Variants in FOXN4 observed in about 807,000 individuals in gnomAD.
FOXN4 encodes the protein forkhead box protein N4.
Under a neutral mutation model 45.0 loss-of-function variants are expected in FOXN4, and 12 were observed. The observed-to-expected ratio is 0.27, with a 90% CI of 0.17 to 0.43. The LOEUF (loss-of-function observed/expected upper bound fraction) is 0.43. FOXN4 is among the 20% of genes least tolerant of loss of function. The probability of loss-of-function intolerance (pLI) is 1.00; values close to 1 mark genes in which losing one functional copy is unlikely to be tolerated. For synonymous variants in FOXN4, 297 were observed against 295.0 expected, an observed-to-expected ratio of 1.01 and a Z score of -0.07; for missense variants, 560 against 694.9, an observed-to-expected ratio of 0.81 and a Z score of 2.18.
At chr12:109,300,443 T>G (rs2047859156) in intron 2 of FOXN4, among the ~76,000 whole-genome samples, 1 of 152,164 alleles carries the variant, frequency 6.6e-6, no homozygotes. Flanking sequence ...ACAGATGGGA[T>G]GGCTGAGGCC....
chr12:109,298,948 G>T (rs2047843766), intron 2 of FOXN4, among the ~76,000 whole-genome samples: 1 of 152,094 alleles, frequency 6.6e-6, no homozygotes, highest in Non-Finnish European at 1.5e-5. Flanking sequence ...TACCCTAAGG[G>T]AGTTGCCTGA....
intron 2 of FOXN4, among the ~76,000 whole-genome samples, chr12:109,304,221 G>GAGAGAGAAAGAAAGAA (rs1268751098): frequency 2.4e-5 from 2 of 82,480 alleles, no homozygotes; most frequent in African/African-American, 1.0e-4. Flanking sequence ...AGAAAAGAAA[G>GAGAGAGAAAGAAAGAA]AGAAAGAAAG....
rs2047770590 is a variant in FOXN4, at chr12:109,291,772, T to C, written c.87-1486A>G. Among the ~76,000 whole-genome samples, 2 of 151,842 alleles carry C rather than the reference T, an allele frequency of 1.3e-5. No homozygotes were observed. Among genetic ancestry groups the C allele is most frequent in the African/African-American group, 4.8e-5 (2 of 41,316 alleles). On this transcript the variant is annotated intron_variant, in intron 2 of 9. Coordinates refer to ENST00000299162, the MANE Select transcript of FOXN4 (RefSeq NM_213596.3). The surrounding 1 kb of genome is among the most constrained non-coding windows in gnomAD (Gnocchi z 6.6). Reference sequence around the variant, plus strand: ...TAGGGAAACAGGGCCTGGAAACGATTTGAAAACGCGGCCGGCCGGCCGTGT... The same window carrying C: ...TAGGGAAACAGGGCCTGGAAACGATCTGAAAACGCGGCCGGCCGGCCGTGT...
At chr12:109,295,220 A>G (rs939370509) in intron 2 of FOXN4, among the ~76,000 whole-genome samples, 1 of 152,172 alleles carries the variant, frequency 6.6e-6, no homozygotes, top group African/African-American at 2.4e-5. Flanking sequence ...TAACAGAGAG[A>G]GCCACACAGA....
chr12:109,308,405 T>G (rs2047939930), intron 1 of FOXN4, 81 bp from the exon 2 acceptor site: 1 of 922,152 alleles, frequency 1.1e-6, no homozygotes, highest in Non-Finnish European at 1.6e-6. Flanking sequence ...TTCCCGCAAT[T>G]CAGAAAGATG....
rs1183302686 is a variant in FOXN4 at position 109,291,379 on chromosome 12, G to C, written c.87-1093C>G. Among the ~76,000 whole-genome samples the C allele has an allele frequency of 6.6e-6, 1 of 152,000 alleles. No individual in the cohort carries two copies. The highest frequency in any genetic ancestry group is 1.5e-5 in the Non-Finnish European group (1 of 67,988). Reference sequence around the variant, plus strand: ...ACCCCTGTAGCCAGGGGCTTTCTGTGTCACCACCAAGAGGCCCACAGTCTA... The same window carrying C: ...ACCCCTGTAGCCAGGGGCTTTCTGTCTCACCACCAAGAGGCCCACAGTCTA... On this transcript the variant is annotated intron_variant, in intron 2 of 9. Coordinates refer to ENST00000299162, the MANE Select transcript of FOXN4 (RefSeq NM_213596.3). The surrounding 1 kb of genome is among the most constrained non-coding windows in gnomAD (Gnocchi z 6.6).
At position 109,279,645 on chromosome 12, in the gene FOXN4, G is replaced by A. The variant is rs367825428; in HGVS notation, c.*26C>T. The A allele has an allele frequency of 7.1e-4, 1,107 of 1,563,792 alleles. 2 individuals carry two copies. The highest frequency in any genetic ancestry group is 6.7e-3 in the Middle Eastern group (40 of 5,950). The stretch of plus-strand genomic sequence containing the variant: ...TTCTCTGCCCAAGCCGGGTGCCGGG[G>A]TTCCAGGGCAGGTGAGGCTGACAGC... On this transcript the variant is annotated 3_prime_UTR_variant, in exon 10 of 10. Coordinates refer to ENST00000299162, the MANE Select transcript of FOXN4 (RefSeq NM_213596.3).
At position 109,285,406 on chromosome 12, in the gene FOXN4, G is replaced by A. The variant is rs758152429; in HGVS notation, c.799C>T (p.Leu267=). The A allele has an allele frequency of 1.9e-6, 3 of 1,614,054 alleles. No homozygotes were observed. Among genetic ancestry groups the A allele is most frequent in the South Asian group, 2.2e-5 (2 of 91,082 alleles). ...ATGCGGGCCAGGTTCAGAGCCCACA[G>A]GCAGCCCTTGCGGGAGGAGCCGCTC... is the stretch of plus-strand genomic sequence containing the variant. ...KMSGSSRKGC[L]WALNLARIDK... The change falls in exon 8 of 10, where the codon CTG becomes TTG. Residue 267 remains leucine, a synonymous_variant. Coordinates refer to ENST00000299162, the MANE Select transcript of FOXN4 (RefSeq NM_213596.3).
intron 2 of FOXN4, among the ~76,000 whole-genome samples, chr12:109,296,964 T>G (rs1340487081): frequency 6.6e-6 from 1 of 152,190 alleles, no homozygotes; most frequent in African/African-American, 2.4e-5. Context: ...ATTGTTATCG[T>G]CACCACCTTC....
intron 2 of FOXN4, among the ~76,000 whole-genome samples, chr12:109,298,698 T>C (rs1019398419): frequency 1.3e-5 from 2 of 152,086 alleles, no homozygotes; most frequent in South Asian, 2.1e-4. Context: ...GACCCCGACA[T>C]TTGTGGGAGA....
Position 109,288,506 on chromosome 12 carries a change from CAT to C in FOXN4, c.233-328_233-327del, listed in dbSNP as rs2047737091. On this transcript the variant is annotated intron_variant, in intron 3 of 9. Transcript: ENST00000299162. The surrounding 1 kb of genome is among the most constrained non-coding windows in gnomAD (Gnocchi z 4.3). ...GGGCACATGATAATATCTCAATAAA[CAT>C]GAGTCAATAATAAATGATAATTGAT... 6.6e-6 allele frequency among the ~76,000 whole-genome samples: 1 copy of C among 152,238 alleles called. No individual in the cohort carries two copies. The highest frequency in any genetic ancestry group is 2.1e-4 in the South Asian group (1 of 4,832).
At position 109,308,255 on chromosome 12, in the gene FOXN4, G is replaced by A; in HGVS notation, c.67C>T (p.Pro23Ser). 6.4e-7 allele frequency: 1 copy of A among 1,551,638 alleles called. No individual in the cohort carries two copies. Among genetic ancestry groups the A allele is most frequent in the African/African-American group, 1.4e-5 (1 of 73,114 alleles). Reference sequence around the variant, plus strand: ...CCTCACCTGTATTCCTGTGGAGAGGGGTGGTGATTTTGCCCTGAGTTTCGA... The same window carrying A: ...CCTCACCTGTATTCCTGTGGAGAGGAGTGGTGATTTTGCCCTGAGTTTCGA... Reference protein sequence around the residue: ...IIRNSGQNHHPSPQEYRLLAT... With the variant: ...IIRNSGQNHHSSPQEYRLLAT... The change falls in exon 2 of 10, where the codon CCC (proline) becomes TCC (serine). Residue 23 changes from proline to serine, a missense_variant. This residue lies in a region of FOXN4 where 142 missense variants were observed against 185.7 expected (regional missense o/e 0.76). Coordinates refer to ENST00000299162, the MANE Select transcript of FOXN4 (RefSeq NM_213596.3).
chr12:109,290,301 A>G lies in FOXN4; in HGVS notation c.87-15T>C. ...TGGCTAGAAGCCTGCAAAGAGGAAC[A>G]GAGAACTCGGGCGGGAGGGGGAGCT... On this transcript the variant is annotated splice_polypyrimidine_tract_variant and intron_variant, in intron 2 of 9. Transcript: ENST00000299162. This position sits in a 1 kb window ranked among gnomAD's most constrained non-coding sequence, Gnocchi z 5.1. The G allele has an allele frequency of 7.2e-6, 11 of 1,537,432 alleles. No individual in the cohort carries two copies. The highest frequency in any genetic ancestry group is 9.7e-6 in the Non-Finnish European group (11 of 1,138,254).
At chr12:109,297,273 C>T (rs1254865078) in intron 2 of FOXN4, among the ~76,000 whole-genome samples, 2 of 152,230 alleles carry the variant, frequency 1.3e-5, no homozygotes, top group Admixed American at 6.5e-5. Context: ...CTCACGGGAG[C>T]GTAAACCCTA....
intron 2 of FOXN4, among the ~76,000 whole-genome samples, chr12:109,304,207 GA>G (rs2047892044): frequency 2.3e-5 from 2 of 85,202 alleles, no homozygotes; most frequent in African/African-American, 4.5e-5. Context: ...AAAAAAGAAA[GA>G]AAAGAAAAGA....
rs1315563827 is a variant in FOXN4, at chr12:109,290,206, C to T, written c.167G>A (p.Arg56Gln). Residue 56 changes from arginine to glutamine, a missense_variant, in exon 3 of 10, where the codon CGG becomes CAG. Transcript: ENST00000299162. The surrounding 1 kb of genome is among the most constrained non-coding windows in gnomAD (Gnocchi z 5.1). ...GCGGCCACTTGCCATCTGCTGCAGCCGAGGCACATCCACCGCCGTGAGCCA... is the reference window on the plus strand; with the variant it reads ...GCGGCCACTTGCCATCTGCTGCAGCTGAGGCACATCCACCGCCGTGAGCCA... ...LSWLTAVDVP[R>Q]LQQMASGRVD... The T allele has an allele frequency of 1.3e-6, 2 of 1,551,338 alleles. No individual in the cohort carries two copies. Among genetic ancestry groups the T allele is most frequent in the Non-Finnish European group, 1.7e-6 (2 of 1,146,920 alleles).
intron 2 of FOXN4, among the ~76,000 whole-genome samples, chr12:109,294,527 C>G (rs2047798563): frequency 1.3e-5 from 2 of 152,316 alleles, no homozygotes; most frequent in South Asian, 4.2e-4. Flanking sequence ...CTTGTGCCCA[C>G]TGCCCATGCC....
Position 109,287,339 on chromosome 12 carries a change from C to T in FOXN4, c.596+58G>A. 1 of 1,546,120 alleles carries T rather than the reference C, an allele frequency of 6.5e-7. No homozygotes were observed. The highest frequency in any genetic ancestry group is 8.7e-7 in the Non-Finnish European group (1 of 1,143,562). ...CTGTCTGAGATGCCCTGAGGGCAGCCTCATCCCTCTCTCCCGGAGCCGCCC... is the reference window on the plus strand; with the variant it reads ...CTGTCTGAGATGCCCTGAGGGCAGCTTCATCCCTCTCTCCCGGAGCCGCCC... On this transcript the variant is annotated intron_variant, in intron 6 of 9. Coordinates refer to ENST00000299162, the MANE Select transcript of FOXN4 (RefSeq NM_213596.3). The surrounding 1 kb of genome is among the most constrained non-coding windows in gnomAD (Gnocchi z 4.1).
In FOXN4 at chr12:109,288,232, C is replaced by T; in HGVS notation, c.233-52G>A. On this transcript the variant is annotated intron_variant, in intron 3 of 9. Coordinates refer to ENST00000299162, the MANE Select transcript of FOXN4 (RefSeq NM_213596.3). This position sits in a 1 kb window ranked among gnomAD's most constrained non-coding sequence, Gnocchi z 4.3. ...GCTGGGCTGGAGGAATGGTGGCTGC[C>T]ACCAGGAACAGCCCAGTGCCCAGGT... The T allele has an allele frequency of 6.5e-7, 1 of 1,529,694 alleles. No individual in the cohort carries two copies. The highest frequency in any genetic ancestry group is 2.2e-5 in the Admixed American group (1 of 45,392). 94.8% of individuals were successfully genotyped at this position (1,529,694 alleles called of 1,614,324 possible).
Sources: allele counts gnomAD v4.1 joint callset (sites outside exome capture counted in the v4.1 genomes callset), GRCh38; gene constraint gnomAD v4.1.1; regional missense constraint gnomAD v4.1.1; non-coding constraint Gnocchi (gnomAD v3.1); transcripts MANE v1.5; gene names NCBI Gene and HGNC (gene_info 2026-07-23, HGNC 2026-07-21).